PRKACB: variants seen among roughly 807,000 people sequenced by gnomAD.
PRKACB encodes protein kinase cAMP-activated catalytic subunit beta, also known as cAMP-dependent protein kinase catalytic subunit beta.
In PRKACB, 16 loss-of-function variants were observed where a neutral mutation model predicts 51.4. That is an observed-to-expected ratio of 0.31 (90% CI 0.21 to 0.47). PRKACB has a LOEUF of 0.47. PRKACB is among the 20% of genes least tolerant of loss of function. The probability of loss-of-function intolerance (pLI) is 1.00; values close to 1 mark genes in which losing one functional copy is unlikely to be tolerated. For missense variants in PRKACB, 309 were observed against 464.5 expected (o/e 0.67, Z 3.08); for synonymous variants, 147 against 154.4 (o/e 0.95, Z 0.35).
chr1:84,187,489 GCT>G (rs1239227262), intron 5 of PRKACB, among the ~76,000 whole-genome samples: 1 of 152,090 alleles, frequency 6.6e-6, no homozygotes, highest in Non-Finnish European at 1.5e-5. Flanking sequence ...AATGTCTCTG[GCT>G]ATGGCTTTGG....
At chr1:84,231,790 C>T (rs1217260036) in intron 9 of PRKACB, among the ~76,000 whole-genome samples, 15 of 151,958 alleles carry the variant, frequency 9.9e-5, no homozygotes, top group East Asian at 1.9e-4. Flanking sequence ...TTTTTTATTG[C>T]GTCTATTTGA....
At chr1:84,164,857 A>C in intron 1 of PRKACB, 1 of 1,380,228 alleles carries the variant, frequency 7.2e-7, no homozygotes. Context: ...TTTTTAAAAC[A>C]AAAGAAAGCT....
chr1:84,155,519 C>A (rs1244692189), intron 1 of PRKACB, among the ~76,000 whole-genome samples: 1 of 152,054 alleles, frequency 6.6e-6, no homozygotes, highest in Admixed American at 6.6e-5. Context: ...AAAAACAATC[C>A]TAAAACTTGT....
rs534822439 is a variant in PRKACB at position 84,236,346 on chromosome 1, A to G, written c.*1041A>G. On this transcript the variant is annotated 3_prime_UTR_variant, in exon 10 of 10. Coordinates refer to ENST00000370685, the MANE Select transcript of PRKACB (RefSeq NM_182948.4). ...AACAATATAGAGGTATTCATATTTA[A>G]ATGAGGGTTTACATTTGTTTTGTTT... 6.5e-6 allele frequency: 1 copy of G among 152,672 alleles called. No homozygotes were observed. Among genetic ancestry groups the G allele is most frequent in the African/African-American group, 2.4e-5 (1 of 41,544 alleles). 9.5% of individuals were successfully genotyped at this position (152,672 alleles called of 1,614,324 possible).
chr1:84,189,166 C>G (rs757704179), intron 5 of PRKACB, among the ~76,000 whole-genome samples: 23 of 151,870 alleles, frequency 1.5e-4, no homozygotes, highest in Admixed American at 2.6e-4. Flanking sequence ...AATTACCAAT[C>G]ATCTGAAAGT....
chr1:84,216,956 G>A (rs1293137705), intron 9 of PRKACB, among the ~76,000 whole-genome samples: 1 of 152,088 alleles, frequency 6.6e-6, no homozygotes, highest in Non-Finnish European at 1.5e-5. Context: ...TAACTTTTAT[G>A]CTTTGAGCAT....
chr1:84,171,502 A>G (rs1419494559), intron 1 of PRKACB, among the ~76,000 whole-genome samples: 1 of 151,818 alleles, frequency 6.6e-6, no homozygotes, highest in Non-Finnish European at 1.5e-5. Flanking sequence ...AAAAACTTCA[A>G]TCTTGTATGG....
upstream of PRKACB, among the ~76,000 whole-genome samples, chr1:84,140,080 A>T (rs1033974051): frequency 3.1e-4 from 47 of 152,276 alleles, no homozygotes; most frequent in African/African-American, 1.1e-3. Flanking sequence ...GGAAAAAAAA[A>T]TAGAAGATTT....
chr1:84,219,664 C>T (rs924405854), intron 9 of PRKACB, among the ~76,000 whole-genome samples: 5 of 150,708 alleles, frequency 3.3e-5, no homozygotes, highest in African/African-American at 1.2e-4. Context: ...CAGTCTTCTG[C>T]ATATGGATAT....
chr1:84,184,419 C>T (rs1193070318), intron 4 of PRKACB, among the ~76,000 whole-genome samples: 1 of 151,826 alleles, frequency 6.6e-6, no homozygotes, highest in African/African-American at 2.4e-5. Context: ...ATCTTAATAA[C>T]AATTCTTATG....
At chr1:84,212,266 C>T (rs1672244831) in intron 8 of PRKACB, among the ~76,000 whole-genome samples, 1 of 151,628 alleles carries the variant, frequency 6.6e-6, no homozygotes, top group Non-Finnish European at 1.5e-5. Context: ...TGAGGCAAGC[C>T]ACAGGAATCT....
chr1:84,215,970 G>GA (rs538888190), intron 9 of PRKACB, among the ~76,000 whole-genome samples: 4 of 150,696 alleles, frequency 2.7e-5, no homozygotes, highest in African/African-American at 7.3e-5. Flanking sequence ...TTTCCTTAAG[G>GA]AAAAAAAAAT....
chr1:84,146,093 A>G (rs1654014727), intron 1 of PRKACB, among the ~76,000 whole-genome samples: 1 of 151,886 alleles, frequency 6.6e-6, no homozygotes, highest in Non-Finnish European at 1.5e-5. Context: ...AAAATCTAGT[A>G]ATGGAAAATA....
At chr1:84,220,359 G>A (rs973077705) in intron 9 of PRKACB, among the ~76,000 whole-genome samples, 3 of 152,050 alleles carry the variant, frequency 2.0e-5, no homozygotes, top group Admixed American at 6.6e-5. Flanking sequence ...TTCTGGTGGA[G>A]TCTATATGTA....
At chr1:84,160,024 A>G (rs1243092776) in intron 1 of PRKACB, among the ~76,000 whole-genome samples, 3 of 152,012 alleles carry the variant, frequency 2.0e-5, no homozygotes, top group African/African-American at 4.8e-5. Flanking sequence ...TGCAATGGAT[A>G]TTGGTCTGTG....
chr1:84,186,782 A>G (rs1665246383), intron 5 of PRKACB, among the ~76,000 whole-genome samples: 1 of 152,098 alleles, frequency 6.6e-6, no homozygotes, highest in Non-Finnish European at 1.5e-5. Flanking sequence ...GTGTCTATGT[A>G]GGGACCTGGG....
At chr1:84,106,059 A>G (rs891547083) in intron 1 of PRKACB, among the ~76,000 whole-genome samples, 2 of 152,202 alleles carry the variant, frequency 1.3e-5, no homozygotes, top group African/African-American at 4.8e-5. Flanking sequence ...GAGATTATTT[A>G]AAGTATACAG....
At chr1:84,233,010 G>C (rs573335122) in intron 9 of PRKACB, among the ~76,000 whole-genome samples, 4 of 151,678 alleles carry the variant, frequency 2.6e-5, no homozygotes, top group Non-Finnish European at 4.4e-5. Context: ...TCATAGTCTC[G>C]ATGGTCTTTA....
intron 2 of PRKACB, among the ~76,000 whole-genome samples, chr1:84,181,443 T>A (rs1663432904): frequency 6.6e-6 from 1 of 152,080 alleles, no homozygotes; most frequent in South Asian, 2.1e-4. Context: ...AATAGATTGA[T>A]GCCTCCAATT....
Sources: allele counts gnomAD v4.1 joint callset (sites outside exome capture counted in the v4.1 genomes callset), GRCh38; gene constraint gnomAD v4.1.1; transcripts MANE v1.5; gene names NCBI Gene and HGNC (gene_info 2026-07-23, HGNC 2026-07-21).